Variants in FAM25C observed in about 807,000 individuals in gnomAD.
The protein encoded by FAM25C is protein FAM25C.
In FAM25C, 4 loss-of-function variants were observed where a neutral mutation model predicts 9.6. The observed-to-expected ratio is 0.42, with a 90% confidence interval of 0.20 to 0.95. The LOEUF (loss-of-function observed/expected upper bound fraction) is 0.95. Ranked by LOEUF, FAM25C falls within the 40% of genes least tolerant of loss-of-function variation. FAM25C has a pLI of 0.31. For synonymous variants in FAM25C, 23 were observed against 44.1 expected (o/e 0.52, Z 1.89); for missense variants, 38 against 110.4 (o/e 0.34, Z 2.94).
In FAM25C at chr10:47,996,820, ATTT is replaced by A. The variant is rs60497249; in HGVS notation, c.136+854_136+856del. On this transcript the variant is annotated intron_variant, in intron 2 of 2. Transcript: ENST00000617224. ...ATTTAACATAGAATTTTACATGTTA[ATTT>A]TTTTTTTTTTTTTTTTTTTTTTTTT... Among the ~76,000 whole-genome samples the A allele has an allele frequency of 6.1e-3, 455 of 74,918 alleles. 1 individual carries two copies. Among genetic ancestry groups the A allele is most frequent in the African/African-American group, 0.027 (408 of 15,104 alleles). 49.1% of individuals were successfully genotyped at this position (74,918 alleles called of 152,430 possible).
At chr10:47,997,781 G>T (rs1555256646) in intron 1 of FAM25C, 42 bp from the exon 2 acceptor site, 4 of 1,533,202 alleles carry the variant, frequency 2.6e-6, no homozygotes, top group Non-Finnish European at 3.5e-6. Flanking sequence ...CTCAGAGCAG[G>T]CCGGCTGCCC....
Position 47,996,820 on chromosome 10 carries a change from ATTTTTTTTTTTTTTTT to A in FAM25C, c.136+841_136+856del, listed in dbSNP as rs60497249. ...ATTTAACATAGAATTTTACATGTTA[ATTTTTTTTTTTTTTTT>A]TTTTTTTTTTTTTGAGACAGAGTAT... On this transcript the variant is annotated intron_variant, in intron 2 of 2. Coordinates refer to ENST00000617224, the MANE Select transcript of FAM25C (RefSeq NM_001137548.3). Among the ~76,000 whole-genome samples, 24 of 75,078 alleles carry A rather than the reference ATTTTTTTTTTTTTTTT, an allele frequency of 3.2e-4. No individual in the cohort carries two copies. In the South Asian group the frequency reaches 6.6e-3, roughly 21 times the overall value. 49.3% of individuals were successfully genotyped at this position (75,078 alleles called of 152,430 possible). A position where few individuals can be genotyped will look rare whatever the true frequency, so the allele number is the denominator to read the frequency against.
chr10:47,997,854 G>C lies in FAM25C; in HGVS notation c.74-115C>G, dbSNP rs1335481243. Reference sequence around the variant, plus strand: ...CCTCCCAGTCCAGGGTGAGGGCTCAGAGCAGGCCCACTGCCCTCCCAGTCC... The same window carrying C: ...CCTCCCAGTCCAGGGTGAGGGCTCACAGCAGGCCCACTGCCCTCCCAGTCC... On this transcript the variant is annotated intron_variant, in intron 1 of 2. Coordinates refer to ENST00000617224, the MANE Select transcript of FAM25C (RefSeq NM_001137548.3). 5.3e-5 allele frequency: 36 copies of C among 673,320 alleles called. No homozygotes were observed. In the African/African-American group the frequency reaches 5.4e-4, roughly 10 times the overall value. 41.7% of individuals were successfully genotyped at this position (673,320 alleles called of 1,614,324 possible).
At chr10:47,998,236 A>G (rs1842832394) in intron 1 of FAM25C, among the ~76,000 whole-genome samples, 1 of 150,988 alleles carries the variant, frequency 6.6e-6, no homozygotes, top group South Asian at 2.1e-4. Flanking sequence ...AGCCTCATCC[A>G]CTAAGACCAG....
intron 2 of FAM25C, among the ~76,000 whole-genome samples, chr10:47,996,215 C>T (rs1342288362): frequency 1.5e-5 from 2 of 132,796 alleles, no homozygotes; most frequent in East Asian, 4.1e-4. Context: ...AGAAAGACTC[C>T]CTCACCAGAT....
intron 2 of FAM25C, among the ~76,000 whole-genome samples, chr10:47,996,975 G>A (rs1842809366): frequency 7.1e-6 from 1 of 140,650 alleles, no homozygotes; most frequent in Non-Finnish European, 1.6e-5. Context: ...AGGACTACAG[G>A]TGCCCGCCAC....
intron 1 of FAM25C, 110 bp from the exon 2 acceptor site, chr10:47,997,849 G>T (rs1555256649): frequency 6.9e-6 from 5 of 721,932 alleles, no homozygotes; most frequent in South Asian, 4.6e-5. Context: ...CAGGGTGAGG[G>T]CTCAGAGCAG....
chr10:47,998,698 C>A (rs1842841165), intron 1 of FAM25C, among the ~76,000 whole-genome samples: 1 of 138,332 alleles, frequency 7.2e-6, no homozygotes, highest in African/African-American at 2.6e-5. Flanking sequence ...AAGGAGCCAG[C>A]AAGTCTAGCA....
At chr10:47,997,103 G>A (rs868935952) in intron 2 of FAM25C, among the ~76,000 whole-genome samples, 2 of 147,738 alleles carry the variant, frequency 1.4e-5, no homozygotes, top group East Asian at 4.0e-4. Context: ...ACAGGCGTGA[G>A]CCACCGCCCC....
At chr10:47,998,069 G>A (rs1480282651) in intron 1 of FAM25C, among the ~76,000 whole-genome samples, 3 of 151,392 alleles carry the variant, frequency 2.0e-5, no homozygotes, top group Admixed American at 6.6e-5. Flanking sequence ...TGAGCCCCAT[G>A]AGGGCATGGG....
intron 2 of FAM25C, 150 bp downstream of exon 2, chr10:47,997,527 G>A (rs1216539136): frequency 7.5e-6 from 6 of 797,484 alleles, no homozygotes; most frequent in South Asian, 1.5e-5. Context: ...GGCCTCTGAT[G>A]AGCATAGATA....
intron 2 of FAM25C, among the ~76,000 whole-genome samples, chr10:47,997,185 T>G (rs1555256599): frequency 6.7e-6 from 1 of 148,368 alleles, no homozygotes; most frequent in African/African-American, 2.5e-5. Context: ...CTAGGCTCAC[T>G]GCAAGCTCTG....
At chr10:47,995,888 T>A (rs1416975455) in intron 2 of FAM25C, among the ~76,000 whole-genome samples, 1 of 151,110 alleles carries the variant, frequency 6.6e-6, no homozygotes, top group African/African-American at 2.4e-5. Flanking sequence ...GTGTTTTTTT[T>A]TTTTTGGCTA....
Position 47,996,820 on chromosome 10 carries a change from A to ATTTTT in FAM25C, c.136+852_136+856dup, listed in dbSNP as rs60497249. On this transcript the variant is annotated intron_variant, in intron 2 of 2. Coordinates refer to ENST00000617224, the MANE Select transcript of FAM25C (RefSeq NM_001137548.3). ...ATTTAACATAGAATTTTACATGTTA[A>ATTTTT]TTTTTTTTTTTTTTTTTTTTTTTTT... 4.5e-4 allele frequency among the ~76,000 whole-genome samples: 34 copies of ATTTTT among 75,080 alleles called. 1 individual carries two copies. Among genetic ancestry groups the ATTTTT allele is most frequent in the South Asian group, 8.8e-4 (2 of 2,272 alleles). 49.3% of individuals were successfully genotyped at this position (75,080 alleles called of 152,430 possible).
In FAM25C at chr10:47,996,820, A is replaced by ATTTTTTTT. The variant is rs60497249; in HGVS notation, c.136+849_136+856dup. On this transcript the variant is annotated intron_variant, in intron 2 of 2. Coordinates refer to ENST00000617224, the MANE Select transcript of FAM25C (RefSeq NM_001137548.3). ...ATTTAACATAGAATTTTACATGTTA[A>ATTTTTTTT]TTTTTTTTTTTTTTTTTTTTTTTTT... Among the ~76,000 whole-genome samples, 10 of 75,036 alleles carry ATTTTTTTT rather than the reference A, an allele frequency of 1.3e-4. 1 individual carries two copies. Among genetic ancestry groups the ATTTTTTTT allele is most frequent in the Admixed American group, 1.5e-4 (1 of 6,710 alleles). The allele number at this position is 75,036 out of a possible 152,430, so 49.2% of individuals were successfully genotyped here.
At chr10:47,997,850 C>T (rs1842825822) in intron 1 of FAM25C, 111 bp from the exon 2 acceptor site, 2 of 722,410 alleles carry the variant, frequency 2.8e-6, no homozygotes, top group Admixed American at 2.0e-5. Flanking sequence ...AGGGTGAGGG[C>T]TCAGAGCAGG....
Position 47,999,762 on chromosome 10 carries a change from G to A in FAM25C, c.4C>T (p.Leu2=). Residue 2 remains leucine (L), a synonymous_variant, in exon 1 of 3, where the codon CTG becomes TTG. Coordinates refer to ENST00000617224, the MANE Select transcript of FAM25C (RefSeq NM_001137548.3). M[L]GGLGKLAAEG... ...GCAGCCAGCTTCCCCAGGCCTCCCA[G>A]CATCGTGTGGCAGCAGACAGTGGCG... 1 of 1,512,284 alleles carries A rather than the reference G, an allele frequency of 6.6e-7. No individual in the cohort carries two copies. The highest frequency in any genetic ancestry group is 2.5e-5 in the East Asian group (1 of 40,772). The allele number at this position is 1,512,284 out of a possible 1,614,324, so 93.7% of individuals were successfully genotyped here.
At chr10:47,996,107 G>A (rs1842796970) in intron 2 of FAM25C, among the ~76,000 whole-genome samples, 1 of 141,890 alleles carries the variant, frequency 7.0e-6, no homozygotes, top group Admixed American at 7.2e-5. Flanking sequence ...TAAGGGGTGG[G>A]GCCTTTGGGA....
intron 2 of FAM25C, among the ~76,000 whole-genome samples, chr10:47,996,684 TATGTAA>T (rs1421364632): frequency 5.5e-4 from 77 of 139,652 alleles, no homozygotes; most frequent in Non-Finnish European, 9.1e-4. Flanking sequence ...TAAATTCATT[TATGTAA>T]ATGTAAGTCC....
Sources: gnomAD v4.1 joint callset for allele counts (sites outside exome capture counted in the v4.1 genomes callset) on GRCh38, gnomAD v4.1.1 for gene constraint, MANE v1.5 for transcripts, NCBI Gene and HGNC (gene_info 2026-07-23, HGNC 2026-07-21) for gene names.